RIPOR2: variants seen among roughly 807,000 people sequenced by gnomAD.
RIPOR2 encodes the protein rho family-interacting cell polarization regulator 2.
RIPOR2 carries 39 observed loss-of-function variants against 114.5 expected under a neutral mutation model. The ratio of observed to expected loss-of-function variants is 0.34; its 90% confidence interval spans 0.26 to 0.44. The LOEUF (loss-of-function observed/expected upper bound fraction) is 0.44, where lower values mean the gene tolerates loss of function less well. Among genes scored for constraint, RIPOR2 ranks in the 20% least tolerant of loss-of-function variants. The pLI is 1.00. For synonymous variants in RIPOR2, 445 were observed against 484.4 expected, an observed-to-expected ratio of 0.92 and a Z score of 1.07; for missense variants, 1,007 against 1,255.1, an observed-to-expected ratio of 0.80 and a Z score of 2.99.
chr6:24,939,933 GCCCACTTT>G (rs888677479), upstream of RIPOR2, among the ~76,000 whole-genome samples: 1 of 152,136 alleles, frequency 6.6e-6, no homozygotes, highest in African/African-American at 2.4e-5. Context: ...AAGAGTTGGT[GCCCACTTT>G]ATGCCATACT....
intron 8 of RIPOR2, among the ~76,000 whole-genome samples, chr6:24,853,952 C>T (rs1048957066): frequency 1.9e-4 from 29 of 151,244 alleles, no homozygotes; most frequent in African/African-American, 6.8e-4. Context: ...CTCATCTCTA[C>T]TAAAAAGAAA....
intron 1 of RIPOR2, among the ~76,000 whole-genome samples, chr6:24,972,443 G>A (rs1029705738): frequency 3.3e-5 from 5 of 152,204 alleles, no homozygotes; most frequent in African/African-American, 9.6e-5. Flanking sequence ...ATTCAGAGGA[G>A]GCTGGTGAAG....
At chr6:24,833,786 A>T (rs1760874996) in intron 15 of RIPOR2, among the ~76,000 whole-genome samples, 1 of 152,116 alleles carries the variant, frequency 6.6e-6, no homozygotes, top group Non-Finnish European at 1.5e-5. Context: ...TTTTTGTACC[A>T]TTGCTCATCC....
chr6:24,995,590 G>T (rs1410147072), intron 1 of RIPOR2, among the ~76,000 whole-genome samples: 1 of 152,198 alleles, frequency 6.6e-6, no homozygotes, highest in African/African-American at 2.4e-5. Flanking sequence ...TGGCAGGGCT[G>T]CAGTCTCGCA....
intron 18 of RIPOR2, among the ~76,000 whole-genome samples, chr6:24,827,720 C>A (rs1035118790): frequency 3.9e-5 from 6 of 152,250 alleles, no homozygotes; most frequent in Admixed American, 1.3e-4. Context: ...CCTTTTCCTC[C>A]TTTCCCTTCC....
intron 1 of RIPOR2, among the ~76,000 whole-genome samples, chr6:25,016,241 C>T (rs1334038534): frequency 6.6e-6 from 1 of 152,116 alleles, no homozygotes; most frequent in Non-Finnish European, 1.5e-5. Context: ...TAAAAAATAA[C>T]AATTCATTCC....
rs557924401 is a variant in RIPOR2, at chr6:24,971,015, C to T, written c.76+70836G>A. Among the ~76,000 whole-genome samples the T allele has an allele frequency of 9.2e-5, 14 of 152,258 alleles. No individual in the cohort carries two copies. In the South Asian group the frequency reaches 2.1e-3, roughly 23 times the overall value. ...TAATCATCATGTAAAGCACTGAAAT[C>T]GTGCCTGGAACATGGTCAAGCCTAG... On this transcript the variant is annotated intron_variant, in intron 1 of 13. Transcript: ENST00000510784.
At chr6:24,876,884 A>C in intron 1 of RIPOR2, 1 of 804,070 alleles carries the variant, frequency 1.2e-6, no homozygotes, top group African/African-American at 1.9e-5. Context: ...TAGTTCCCCC[A>C]AAGGATGACC....
At chr6:24,911,386 C>T (rs1274015366) in intron 1 of RIPOR2, among the ~76,000 whole-genome samples, 1 of 151,966 alleles carries the variant, frequency 6.6e-6, no homozygotes, top group African/African-American at 2.4e-5. Context: ...AGGAAAGGAG[C>T]CGAGGCAAGG....
At chr6:24,927,539 C>T (rs1771051171) in intron 1 of RIPOR2, among the ~76,000 whole-genome samples, 1 of 151,708 alleles carries the variant, frequency 6.6e-6, no homozygotes. Flanking sequence ...CCACTATCAT[C>T]ATCATGATTA....
chr6:24,838,260 C>T (rs929077216), intron 14 of RIPOR2, among the ~76,000 whole-genome samples: 1 of 152,118 alleles, frequency 6.6e-6, no homozygotes, highest in Admixed American at 6.6e-5. Context: ...GGGACTTAAA[C>T]TTGACTTGGA....
chr6:24,965,553 C>T (rs1773488695), intron 1 of RIPOR2, among the ~76,000 whole-genome samples: 1 of 152,216 alleles, frequency 6.6e-6, no homozygotes, highest in South Asian at 2.1e-4. Context: ...TTCAAACTTG[C>T]GTATTTCTTT....
At chr6:24,847,507 G>A (rs1227160568) in intron 12 of RIPOR2, 1 of 1,542,540 alleles carries the variant, frequency 6.5e-7, no homozygotes, top group Non-Finnish European at 8.8e-7. Flanking sequence ...AGCCCCAGAA[G>A]TCAAGCACTC....
rs1349285541 is a variant in RIPOR2 at position 25,023,719 on chromosome 6, C to A, written c.76+18132G>T. 9 of 779,836 alleles carry A rather than the reference C, an allele frequency of 1.2e-5. No individual in the cohort carries two copies. In the East Asian group the frequency reaches 2.2e-4, roughly 19 times the overall value. 48.3% of individuals were successfully genotyped at this position (779,836 alleles called of 1,614,324 possible). On this transcript the variant is annotated intron_variant, in intron 1 of 13. Transcript: ENST00000510784. ...CAGTACAGCCCACACCGTGTTTGTC[C>A]GCGACTTCGTTCAGGTACATGAAGA... is the stretch of plus-strand genomic sequence containing the variant.
intron 9 of RIPOR2, among the ~76,000 whole-genome samples, 176 bp from the exon 10 acceptor site, chr6:24,850,898 CTTT>C (rs371904262): frequency 1.4e-5 from 2 of 138,368 alleles, no homozygotes; most frequent in Admixed American, 7.2e-5. Context: ...GGGGAGGAGA[CTTT>C]TTTTTTTTTT....
intron 1 of RIPOR2, among the ~76,000 whole-genome samples, chr6:24,918,655 C>G (rs1156398248): frequency 2.0e-5 from 3 of 152,166 alleles, no homozygotes; most frequent in Non-Finnish European, 2.9e-5. Flanking sequence ...TATTTTGGAG[C>G]CTGATTTATA....
chr6:24,830,636 C>T lies in RIPOR2; in HGVS notation c.2379G>A (p.Leu793=). Residue 793 remains leucine (L), a synonymous_variant, in exon 17 of 22, where the codon CTG becomes CTA. Transcript: ENST00000643898. ...IPEFHKKLSL[L]SFWTKCCSPV... Reference sequence around the variant, plus strand: ...GGCTGCAGCACTTGGTCCAGAATGACAGCAAAGACAGCTTTTTGTGAAATT... The same window carrying T: ...GGCTGCAGCACTTGGTCCAGAATGATAGCAAAGACAGCTTTTTGTGAAATT... The T allele has an allele frequency of 6.4e-7, 1 of 1,551,368 alleles. No homozygotes were observed. The highest frequency in any genetic ancestry group is 8.7e-7 in the Non-Finnish European group (1 of 1,146,940).
intron 1 of RIPOR2, among the ~76,000 whole-genome samples, chr6:24,999,701 G>A (rs555825803): frequency 6.1e-4 from 93 of 151,868 alleles, no homozygotes; most frequent in African/African-American, 2.0e-3. Context: ...GACTACAGGC[G>A]CCCACCACCA....
At chr6:24,837,352 C>T (rs192952923) in intron 14 of RIPOR2, among the ~76,000 whole-genome samples, 4 of 152,156 alleles carry the variant, frequency 2.6e-5, no homozygotes, top group Admixed American at 2.6e-4. Flanking sequence ...CGAACTCTGA[C>T]CTCAAGTGAT....
Sources: allele counts gnomAD v4.1 joint callset (sites outside exome capture counted in the v4.1 genomes callset), GRCh38; gene constraint gnomAD v4.1.1; transcripts MANE v1.5; gene names NCBI Gene and HGNC (gene_info 2026-07-23, HGNC 2026-07-21).